The following HDAC9 variants were observed in gnomAD, a reference collection of about 807,000 sequenced individuals.
HDAC9 encodes MEF-2 interacting transcription repressor (MITR) protein.
HDAC9 carries 41 observed loss-of-function variants against 139.4 expected under a neutral mutation model. The ratio of observed to expected loss-of-function variants is 0.29; its 90% CI spans 0.23 to 0.38. The LOEUF is 0.38. Ranked by LOEUF, HDAC9 falls within the 10% of genes least tolerant of loss-of-function variation. The pLI is 1.00. For missense variants in HDAC9, 1,147 were observed against 1,297.0 expected (o/e 0.88, Z 1.78); for synonymous variants, 517 against 476.2 (o/e 1.09, Z -1.12).
At chr7:18,761,285 C>T (rs1261400847) in intron 14 of HDAC9, among the ~76,000 whole-genome samples, 1 of 152,086 alleles carries the variant, frequency 6.6e-6, no homozygotes, top group Non-Finnish European at 1.5e-5. Context: ...ACAGTTTTGC[C>T]TGTGTTGAAG....
chr7:18,617,356 C>T (rs1420379786), intron 6 of HDAC9, among the ~76,000 whole-genome samples: 2 of 152,138 alleles, frequency 1.3e-5, no homozygotes, highest in African/African-American at 4.8e-5. Context: ...CAACTCTCCC[C>T]AGTCCACTAC....
intron 2 of HDAC9, among the ~76,000 whole-genome samples, chr7:18,180,340 G>T (rs1437183782): frequency 6.6e-6 from 1 of 150,762 alleles, no homozygotes; most frequent in Non-Finnish European, 1.5e-5. Flanking sequence ...GAAAATGTTT[G>T]CTCTGTGTTT....
At chr7:18,363,425 G>C (rs747616114) in intron 1 of HDAC9, among the ~76,000 whole-genome samples, 1 of 152,072 alleles carries the variant, frequency 6.6e-6, no homozygotes, top group East Asian at 1.9e-4. Context: ...CATTTTTGTA[G>C]AATTTGGCCT....
chr7:18,733,731 C>T (rs182756660), intron 13 of HDAC9, among the ~76,000 whole-genome samples: 39 of 151,766 alleles, frequency 2.6e-4, no homozygotes, highest in Non-Finnish European at 3.5e-4. Flanking sequence ...GCTTTTTATA[C>T]CTAAGAATTT....
At chr7:18,860,313 A>G (rs942102801) in intron 21 of HDAC9, among the ~76,000 whole-genome samples, 4 of 152,130 alleles carry the variant, frequency 2.6e-5, no homozygotes, top group Non-Finnish European at 5.9e-5. Context: ...AATTTTCTAA[A>G]TAATTCTCTG....
At chr7:18,963,564 A>T (rs1783663811) in intron 24 of HDAC9, among the ~76,000 whole-genome samples, 1 of 152,198 alleles carries the variant, frequency 6.6e-6, no homozygotes, top group Non-Finnish European at 1.5e-5. Context: ...AAAAATGGAG[A>T]AGGAGGATTA....
At chr7:18,638,779 A>G (rs553789203) in intron 8 of HDAC9, among the ~76,000 whole-genome samples, 2 of 152,058 alleles carry the variant, frequency 1.3e-5, no homozygotes, top group East Asian at 1.9e-4. Context: ...CATTTCTTCT[A>G]TTTCCTACAT....
intron 1 of HDAC9, among the ~76,000 whole-genome samples, chr7:18,401,410 T>C (rs1241599290): frequency 3.3e-5 from 5 of 152,174 alleles, no homozygotes; most frequent in Non-Finnish European, 7.3e-5. Flanking sequence ...ATGCTGGTGG[T>C]TGGGGTGGCC....
At chr7:18,922,891 G>A (rs1803884270) in intron 22 of HDAC9, among the ~76,000 whole-genome samples, 1 of 152,004 alleles carries the variant, frequency 6.6e-6, no homozygotes, top group Non-Finnish European at 1.5e-5. Flanking sequence ...AATAAAAATC[G>A]ACAAATGTCT....
At chr7:18,738,564 C>A (rs1007969321) in intron 13 of HDAC9, among the ~76,000 whole-genome samples, 1 of 152,162 alleles carries the variant, frequency 6.6e-6, no homozygotes, top group African/African-American at 2.4e-5. Context: ...AAATTCTTTT[C>A]TTTGAGAATG....
intron 1 of HDAC9, among the ~76,000 whole-genome samples, chr7:18,452,409 A>C (rs1030638190): frequency 1.3e-5 from 2 of 152,162 alleles, no homozygotes. Context: ...ATGTCTTCCA[A>C]TTGAGGGTCA....
At position 18,956,069 on chromosome 7, in the gene HDAC9, G is replaced by A. The variant is rs537434260; in HGVS notation, c.3022+1839G>A. On this transcript the variant is annotated intron_variant, in intron 24 of 25. Coordinates refer to ENST00000686413, the MANE Select transcript of HDAC9 (RefSeq NM_178425.4). ...GACCTCTACAGTCTGCTCTAGCCAA[G>A]CAAACCTGTTTGACTCTTGAAAAAG... Among the ~76,000 whole-genome samples, 3 of 152,006 alleles carry A rather than the reference G, an allele frequency of 2.0e-5. No homozygotes were observed. The South Asian group carries it at 6.2e-4, about 32-fold the overall frequency.
At chr7:18,674,993 C>G in intron 12 of HDAC9, among the ~76,000 whole-genome samples, 1 of 151,868 alleles carries the variant, frequency 6.6e-6, no homozygotes. Flanking sequence ...AATATAATAT[C>G]TAGATTAATT....
intron 1 of HDAC9, among the ~76,000 whole-genome samples, chr7:18,380,612 G>A (rs1314689770): frequency 6.6e-6 from 1 of 152,188 alleles, no homozygotes; most frequent in Non-Finnish European, 1.5e-5. Flanking sequence ...CCTGGCACAG[G>A]TATGGTCTAG....
rs375775727 is a variant in HDAC9, at chr7:18,460,644, C to T, written c.-41-35618C>T. Among the ~76,000 whole-genome samples, 315 of 151,810 alleles carry T rather than the reference C, an allele frequency of 2.1e-3. 1 individual carries two copies. Among genetic ancestry groups the T allele is most frequent in the African/African-American group, 6.0e-3 (250 of 41,422 alleles). ...TACTAAAAATACAAAATTAGCGAGGCGTGGTGGCACATGTCTGTAATCAAT... is the reference window on the plus strand; with the variant it reads ...TACTAAAAATACAAAATTAGCGAGGTGTGGTGGCACATGTCTGTAATCAAT... On this transcript the variant is annotated intron_variant, in intron 1 of 3. Transcript: ENST00000413509.
chr7:18,147,894 T>C (rs747751503), intron 1 of HDAC9, among the ~76,000 whole-genome samples: 25 of 152,294 alleles, frequency 1.6e-4, no homozygotes, highest in Non-Finnish European at 3.4e-4. Flanking sequence ...AGTATTGAGG[T>C]GTATCCATTT....
intron 1 of HDAC9, among the ~76,000 whole-genome samples, chr7:18,390,420 T>A (rs1767481105): frequency 6.6e-6 from 1 of 151,974 alleles, no homozygotes; most frequent in African/African-American, 2.4e-5. Context: ...ACCCTTAGGG[T>A]TTACTTATGT....
At chr7:18,225,583 TATGTGTTC>T (rs1793000768) in intron 2 of HDAC9, among the ~76,000 whole-genome samples, 1 of 152,206 alleles carries the variant, frequency 6.6e-6, no homozygotes, top group Non-Finnish European at 1.5e-5. Context: ...AAAGTTTAAT[TATGTGTTC>T]ATGCATATAC....
chr7:18,243,459 G>A (rs1485447615), intron 2 of HDAC9, among the ~76,000 whole-genome samples: 1 of 152,220 alleles, frequency 6.6e-6, no homozygotes, highest in African/African-American at 2.4e-5. Flanking sequence ...CATGGAGAAG[G>A]CCCAGTCACA....
Sources: gnomAD v4.1 joint callset for allele counts (sites outside exome capture counted in the v4.1 genomes callset) on GRCh38, gnomAD v4.1.1 for gene constraint, MANE v1.5 for transcripts, NCBI Gene and HGNC (gene_info 2026-07-23, HGNC 2026-07-21) for gene names.